FRMD5: variants seen among roughly 807,000 people sequenced by gnomAD.
The protein encoded by FRMD5 is FERM domain-containing protein 5.
In FRMD5, 20 loss-of-function variants were observed where a neutral mutation model predicts 69.0. That is an observed-to-expected ratio of 0.29 (90% CI 0.20 to 0.42). The LOEUF (loss-of-function observed/expected upper bound fraction) is 0.42, where lower values mean the gene tolerates loss of function less well. FRMD5 is among the 10% of genes least tolerant of loss of function. FRMD5 has a pLI of 1.00. For synonymous variants in FRMD5, 271 were observed against 260.1 expected (o/e 1.04, Z -0.40); for missense variants, 595 against 708.6 (o/e 0.84, Z 1.82).
intron 1 of FRMD5, among the ~76,000 whole-genome samples, chr15:44,171,399 C>T (rs1306269611): frequency 6.6e-6 from 1 of 152,178 alleles, no homozygotes; most frequent in Non-Finnish European, 1.5e-5. Context: ...TTCTCGTCTA[C>T]TGAGTATTCA....
chr15:44,019,869 C>T (rs1057506498), intron 1 of FRMD5, among the ~76,000 whole-genome samples: 1 of 151,572 alleles, frequency 6.6e-6, no homozygotes, highest in African/African-American at 2.4e-5. Flanking sequence ...TTTCTGTTCT[C>T]TAAATGTTGT....
At chr15:43,913,451 C>T (rs527560507) in intron 4 of FRMD5, among the ~76,000 whole-genome samples, 1 of 152,344 alleles carries the variant, frequency 6.6e-6, no homozygotes, top group East Asian at 1.9e-4. Context: ...TCCCTTTCTG[C>T]CACAGTGGCT....
At chr15:44,085,546 T>G (rs1894162429) in intron 1 of FRMD5, among the ~76,000 whole-genome samples, 1 of 152,142 alleles carries the variant, frequency 6.6e-6, no homozygotes, top group Admixed American at 6.6e-5. Flanking sequence ...GTGGTTAGGA[T>G]GCCAATACTG....
At chr15:44,015,730 A>G (rs1402297477) in intron 1 of FRMD5, among the ~76,000 whole-genome samples, 1 of 152,202 alleles carries the variant, frequency 6.6e-6, no homozygotes, top group African/African-American at 2.4e-5. Context: ...TTGCCAGCAC[A>G]AAGAGTTACT....
At chr15:44,193,479 A>G (rs2078229832) in intron 1 of FRMD5, among the ~76,000 whole-genome samples, 1 of 152,258 alleles carries the variant, frequency 6.6e-6, no homozygotes, top group Non-Finnish European at 1.5e-5. Context: ...CAATAGGAAC[A>G]AAAAGTAGTA....
intron 1 of FRMD5, among the ~76,000 whole-genome samples, chr15:44,039,695 A>G (rs1255132426): frequency 6.6e-6 from 1 of 152,196 alleles, no homozygotes; most frequent in Non-Finnish European, 1.5e-5. Flanking sequence ...GACCAAAGGT[A>G]GACAAATCCA....
chr15:44,130,130 C>A (rs2140417162), intron 1 of FRMD5, among the ~76,000 whole-genome samples: 1 of 152,238 alleles, frequency 6.6e-6, no homozygotes, highest in Non-Finnish European at 1.5e-5. Context: ...ATACTATAAC[C>A]ACCCTCTCCC....
chr15:43,875,013 C>T (rs2140330700), intron 13 of FRMD5, among the ~76,000 whole-genome samples: 1 of 152,292 alleles, frequency 6.6e-6, no homozygotes, highest in Non-Finnish European at 1.5e-5. Context: ...GCCTGGCCAA[C>T]ATGGTGAAAC....
At chr15:44,040,624 T>C (rs558047848) in intron 1 of FRMD5, among the ~76,000 whole-genome samples, 21 of 152,100 alleles carry the variant, frequency 1.4e-4, no homozygotes, top group Non-Finnish European at 2.4e-4. Flanking sequence ...TTGAGAGATT[T>C]TGTCACCACC....
chr15:43,896,587 C>T (rs566043714), intron 7 of FRMD5, among the ~76,000 whole-genome samples: 1 of 152,302 alleles, frequency 6.6e-6, no homozygotes, highest in South Asian at 2.1e-4. Context: ...AGGATTCTTG[C>T]AAATCAAAGC....
chr15:44,171,563 T>G (rs549568308), intron 1 of FRMD5, among the ~76,000 whole-genome samples: 3 of 152,168 alleles, frequency 2.0e-5, no homozygotes, highest in African/African-American at 7.2e-5. Context: ...TTTTTCTGGG[T>G]TAAGGTACGA....
intron 1 of FRMD5, among the ~76,000 whole-genome samples, chr15:44,012,117 C>T (rs1890747021): frequency 1.3e-5 from 2 of 152,274 alleles, no homozygotes; most frequent in African/African-American, 2.4e-5. Context: ...TCAGCAGATA[C>T]TGACAAATAT....
intron 13 of FRMD5, among the ~76,000 whole-genome samples, chr15:43,881,006 A>C (rs1378962440): frequency 6.6e-6 from 1 of 152,196 alleles, no homozygotes; most frequent in Non-Finnish European, 1.5e-5. Context: ...TTGTTCTACT[A>C]ACCCTACTTG....
intron 1 of FRMD5, among the ~76,000 whole-genome samples, chr15:44,062,196 A>T (rs187524892): frequency 6.6e-6 from 1 of 152,196 alleles, no homozygotes; most frequent in Admixed American, 6.5e-5. Flanking sequence ...TTTGCAATAA[A>T]CATTTTTGGC....
chr15:43,971,720 TTC>T (rs1165897842), intron 1 of FRMD5, among the ~76,000 whole-genome samples: 1 of 152,066 alleles, frequency 6.6e-6, no homozygotes, highest in Non-Finnish European at 1.5e-5. Context: ...TCGTTTTTTC[TTC>T]TTTTTTTGAG....
At chr15:44,178,244 GA>G (rs1413767274) in intron 1 of FRMD5, among the ~76,000 whole-genome samples, 1 of 152,116 alleles carries the variant, frequency 6.6e-6, no homozygotes, top group African/African-American at 2.4e-5. Context: ...AGAATCGCTT[GA>G]ACCTGGGAGG....
intron 1 of FRMD5, among the ~76,000 whole-genome samples, chr15:44,011,331 G>C (rs754035431): frequency 6.6e-6 from 1 of 152,114 alleles, no homozygotes; most frequent in East Asian, 1.9e-4. Context: ...GGAATTGAGA[G>C]ACAGAGCCAA....
intron 1 of FRMD5, among the ~76,000 whole-genome samples, chr15:44,173,319 T>A (rs1225150281): frequency 6.6e-6 from 1 of 152,136 alleles, no homozygotes; most frequent in African/African-American, 2.4e-5. Flanking sequence ...AAATAAAAAC[T>A]ATTTCATTTT....
intron 1 of FRMD5, among the ~76,000 whole-genome samples, chr15:44,105,086 C>CTTTTTTTT (rs71299549): frequency 1.5e-5 from 2 of 136,936 alleles, no homozygotes; most frequent in Non-Finnish European, 3.1e-5. Flanking sequence ...AAATTCTTTT[C>CTTTTTTTT]TTTTTTTTTT....
Sources: allele counts gnomAD v4.1 joint callset (sites outside exome capture counted in the v4.1 genomes callset), GRCh38; gene constraint gnomAD v4.1.1; transcripts MANE v1.5; gene names NCBI Gene and HGNC (gene_info 2026-07-23, HGNC 2026-07-21).